Variants in FLNA observed in about 807,000 individuals in gnomAD.
FLNA encodes filamin A.
A neutral mutation model predicts 157.6 loss-of-function variants in FLNA; 7 were observed. That is an observed-to-expected ratio of 0.04 (90% confidence interval 0.03 to 0.08). The LOEUF (loss-of-function observed/expected upper bound fraction) is 0.08. Ranked by LOEUF, FLNA falls within the 10% of genes least tolerant of loss-of-function variation. The pLI, the probability that FLNA is intolerant of heterozygous loss-of-function variation, is 1.00. For synonymous variants in FLNA, 1,103 were observed against 1,060.8 expected, an observed-to-expected ratio of 1.04 and a Z score of -0.77; for missense variants, 1,750 against 2,398.4, an observed-to-expected ratio of 0.73 and a Z score of 5.65.
intron 1 of FLNA, among the ~76,000 whole-genome samples, chrX:154,373,635 C>A (rs6655285): frequency 0.043 from 4,893 of 112,715 alleles, 280 homozygotes; most frequent in African/African-American, 0.15. Context: ...GAGGTATAGC[C>A]CAAGCCCAGG....
At position 154,366,441 on chromosome X, in the gene FLNA, G is replaced by A. The variant is rs373366243; in HGVS notation, c.1095C>T (p.Ile365=). The part of the protein sequence containing the change: ...KVTVLFAGQH[I]AKSPFEVYVD... ...CGTACACCTCGAAGGGGCTCTTGGC[G>A]ATGTGCTGGCCAGCAAAGAGCACAG... Residue 365 remains isoleucine, a synonymous_variant, in exon 8 of 48, where the codon ATC becomes ATT. Coordinates refer to ENST00000369850, the MANE Select transcript of FLNA (RefSeq NM_001110556.2). 68 of 1,210,135 alleles carry A rather than the reference G, an allele frequency of 5.6e-5. No individual in the cohort carries two copies. The South Asian group carries it at 6.5e-4, about 12-fold the overall frequency.
rs1557178341 is a variant in FLNA, at chrX:154,362,695, G to A, written c.2370C>T (p.Thr790=). 9 of 1,211,064 alleles carry A rather than the reference G, an allele frequency of 7.4e-6. No individual in the cohort carries two copies. Among genetic ancestry groups the A allele is most frequent in the Non-Finnish European group, 1.0e-5 (9 of 895,328 alleles). ...AKTGLKAHEP[T]YFTVDCAEAG... is the part of the protein sequence containing the mutation. ...CCTCGGCGCAGTCCACAGTGAAGTAGGTGGGCTCGTGGGCCTTGAGCCCTG... is the reference window on the plus strand; with the variant it reads ...CCTCGGCGCAGTCCACAGTGAAGTAAGTGGGCTCGTGGGCCTTGAGCCCTG... The change falls in exon 16 of 48, where the codon ACC becomes ACT. Residue 790 remains threonine, a synonymous_variant. Transcript: ENST00000369850.
chrX:154,364,413 G>C, intron 13 of FLNA, 41 bp from the exon 14 acceptor site: 1 of 1,188,670 alleles, frequency 8.4e-7, no homozygotes, highest in Non-Finnish European at 1.1e-6. Flanking sequence ...CCAGGTCCAG[G>C]CTGCCAGAGC....
intron 30 of FLNA, 152 bp from the exon 31 acceptor site, chrX:154,355,224 G>A: frequency 1.7e-6 from 1 of 592,677 alleles, no homozygotes; most frequent in Non-Finnish European, 2.6e-6. Context: ...GCCCCTCCAA[G>A]CTGGGATGGC....
chrX:154,352,344 A>G lies in FLNA; in HGVS notation c.6606T>C (p.Phe2202=), dbSNP rs781801702. ...EGENHTYCIR[F]VPAEMGTHTV... is the part of the protein sequence containing the mutation. ...TGTGTGTGCCCATCTCAGCGGGAAC[A>G]AAGCGGATGCAGTAGGTGTGGTTCT... Residue 2202 remains phenylalanine (F), a synonymous_variant, in exon 41 of 48, where the codon TTT becomes TTC. Coordinates refer to ENST00000369850, the MANE Select transcript of FLNA (RefSeq NM_001110556.2). 2.5e-6 allele frequency: 3 copies of G among 1,211,819 alleles called. No homozygotes were observed. The East Asian group carries it at 8.9e-5, about 36-fold the overall frequency.
In FLNA at chrX:154,362,510, C is replaced by G. The variant is rs782555729; in HGVS notation, c.2473G>C (p.Asp825His). 1 of 1,211,372 alleles carries G rather than the reference C, an allele frequency of 8.3e-7. No individual in the cohort carries two copies. The highest frequency in any genetic ancestry group is 2.3e-4 in the Middle Eastern group (1 of 4,350). Residue 825 changes from aspartate to histidine, a missense_variant, in exon 17 of 48, where the codon GAC (aspartate) becomes CAC (histidine). By Grantham distance (81) the Asp-to-His change is moderately conservative. Transcript: ENST00000369850. The part of the protein sequence containing the change: ...VGPAEADIDF[D>H]IIRNDNDTFT... ...GTGTCATTGTCATTGCGGATGATGT[C>G]GAAGTCGATGTCAGCTTCGGCGGGG...
intron 1 of FLNA, among the ~76,000 whole-genome samples, chrX:154,374,119 A>C (rs782528512): frequency 8.9e-6 from 1 of 112,424 alleles, no homozygotes; most frequent in South Asian, 3.7e-4. Flanking sequence ...CTGGCTGAGA[A>C]GTGTCCTTCC....
At chrX:154,360,768 A>T (rs1267206430) in intron 21 of FLNA, among the ~76,000 whole-genome samples, 181 bp from the exon 22 acceptor site, 1 of 111,828 alleles carries the variant, frequency 8.9e-6, no homozygotes, top group African/African-American at 3.2e-5. Context: ...AAAGGAGGGC[A>T]GGGCGCGGTC....
Position 154,367,423 on chromosome X carries a change from G to A in FLNA, c.842C>T (p.Pro281Leu), listed in dbSNP as rs1041066623. Residue 281 changes from proline to leucine, a missense_variant, in exon 5 of 48, where the codon CCG becomes CTG. This residue lies in a region of FLNA where 71 missense variants were observed against 239.5 expected (regional missense o/e 0.30). Transcript: ENST00000369850. ...PGAPLRPKLNPKKARAYGPGI... is the reference protein window; with the variant it reads ...PGAPLRPKLNLKKARAYGPGI... ...TGGCCCGTAGGCACGGGCTTTCTTC[G>A]GGTTCAGTTTGGGCCGCAAGGGAGC... 8.3e-7 allele frequency: 1 copy of A among 1,211,513 alleles called. No individual in the cohort carries two copies. The highest frequency in any genetic ancestry group is 3.0e-5 in the East Asian group (1 of 33,847).
chrX:154,350,579 T>C (rs2067611443), intron 44 of FLNA: 1 of 382,980 alleles, frequency 2.6e-6, no homozygotes, highest in African/African-American at 2.5e-5. Flanking sequence ...TGAAGCCCAC[T>C]GGGCTCCTCC....
chrX:154,364,987 C>T, intron 11 of FLNA, 30 bp from the exon 12 acceptor site: 2 of 1,210,745 alleles, frequency 1.7e-6, no homozygotes, highest in Non-Finnish European at 2.2e-6. Context: ...ACAGGGAACA[C>T]CGAGGATCAC....
At position 154,365,476 on chromosome X, in the gene FLNA, C is replaced by T. The variant is rs781919163; in HGVS notation, c.1440G>A (p.Pro480=). Residue 480 remains proline, a synonymous_variant, in exon 10 of 48, where the codon CCG becomes CCA. Transcript: ENST00000369850. ...CCCGGCCAACCGCCCGGCAGGCACT[C>T]GGGTTACAGGCTGCAGGCAGAGGGG... The part of the protein sequence containing the change: ...YTVTVGQACN[P]SACRAVGRGL... The T allele has an allele frequency of 2.1e-5, 26 of 1,210,045 alleles. 1 individual carries two copies. The South Asian group carries it at 3.5e-4, about 16-fold the overall frequency.
In FLNA at chrX:154,358,537, G is replaced by A. The variant is rs200857989; in HGVS notation, c.4506C>T (p.Asn1502=). 228 of 1,208,081 alleles carry A rather than the reference G, an allele frequency of 1.9e-4. No homozygotes were observed. Among genetic ancestry groups the A allele is most frequent in the East Asian group, 1.7e-3 (56 of 33,765 alleles). Residue 1502 remains asparagine, a synonymous_variant, in exon 27 of 48, where the codon AAC becomes AAT. Transcript: ENST00000369850. ...GLVEPVDVVD[N]ADGTQTVNYV... ...AATTGACGGTCTGGGTGCCATCAGC[G>A]TTGTCTACCACGTCCACTGGCTCCA... is the stretch of plus-strand genomic sequence containing the variant.
At position 154,362,406 on chromosome X, in the gene FLNA, C is replaced by T. The variant is rs370481509; in HGVS notation, c.2565+12G>A. The T allele has an allele frequency of 5.0e-5, 61 of 1,209,317 alleles. No homozygotes were observed. Among genetic ancestry groups the T allele is most frequent in the Non-Finnish European group, 6.4e-5 (57 of 894,403 alleles). ...GCAATGACATCTTAGCGGCCAGGAG[C>T]GCAGCACCCACCTGGTCAGCAAAGA... is the stretch of plus-strand genomic sequence containing the variant. On this transcript the variant is annotated intron_variant, in intron 17 of 47. Transcript: ENST00000369850.
chrX:154,374,405 C>T (rs2067828041), intron 1 of FLNA, 101 bp downstream of exon 1: 2 of 112,817 alleles, frequency 1.8e-5, no homozygotes, highest in South Asian at 7.2e-4. Flanking sequence ...GAGCTGGCGC[C>T]TGCGTTTTCC....
At chrX:154,359,451 ACCAG>A in intron 24 of FLNA, 29 bp downstream of exon 24, 7 of 1,211,077 alleles carry the variant, frequency 5.8e-6, no homozygotes, top group Non-Finnish European at 7.8e-6. Context: ...TCCCAGGCCC[ACCAG>A]CCACACGGGC....
chrX:154,362,769 C>T lies in FLNA; in HGVS notation c.2296G>A (p.Gly766Ser). The T allele has an allele frequency of 8.3e-7, 1 of 1,200,548 alleles. No individual in the cohort carries two copies. The highest frequency in any genetic ancestry group is 1.8e-5 in the South Asian group (1 of 55,640). ...NSPFRVNVGA[G>S]SHPNKVKVYG... ...ACTTTGACCTTGTTGGGGTGGCTGCCAGCTCCCACATTCACCTGCAGGGCA... is the reference window on the plus strand; with the variant it reads ...ACTTTGACCTTGTTGGGGTGGCTGCTAGCTCCCACATTCACCTGCAGGGCA... Residue 766 changes from glycine (G) to serine (S), a missense_variant, in exon 16 of 48, where the codon GGC becomes AGC. Physicochemically the swap from Gly to Ser is moderately conservative, Grantham distance 56. Transcript: ENST00000369850.
rs782513930 is a variant in FLNA at position 154,361,563 on chromosome X, G to C, written c.2952C>G (p.Asp984Glu). Residue 984 changes from aspartate to glutamate, a missense_variant, in exon 21 of 48, where the codon GAC becomes GAG. By Grantham distance (45) the Asp-to-Glu change is conservative. Around this residue, in one of 5 missense-constraint regions of FLNA, gnomAD observed 648 missense variants for 805.8 expected, o/e 0.80. Coordinates refer to ENST00000369850, the MANE Select transcript of FLNA (RefSeq NM_001110556.2). ...CTGTGAACTCCTGGTCTTTGCCAAC[G>C]TCCACCTCTGTGGAAACGATGAAAG... The part of the protein sequence containing the change: ...IKVSGLGEKV[D>E]VGKDQEFTVK... 2.5e-6 allele frequency: 3 copies of C among 1,209,675 alleles called. No individual in the cohort carries two copies. In the African/African-American group the frequency reaches 5.3e-5, roughly 21 times the overall value.
Position 154,349,355 on chromosome X carries a change from T to A in FLNA, c.7756+7A>T, listed in dbSNP as rs782594128. On this transcript the variant is annotated splice_region_variant and intron_variant, in intron 47 of 47. Coordinates refer to ENST00000369850, the MANE Select transcript of FLNA (RefSeq NM_001110556.2). ...GGGAAGGTGGGCCGGGGGCCCAGGTTGCCCACCTGCTTTGCTGCAGTCTAC... is the reference window on the plus strand; with the variant it reads ...GGGAAGGTGGGCCGGGGGCCCAGGTAGCCCACCTGCTTTGCTGCAGTCTAC... 1.7e-6 allele frequency: 2 copies of A among 1,208,019 alleles called. No individual in the cohort carries two copies. The highest frequency in any genetic ancestry group is 2.2e-6 in the Non-Finnish European group (2 of 892,110).
Sources: gnomAD v4.1 joint callset for allele counts (sites outside exome capture counted in the v4.1 genomes callset) on GRCh38, gnomAD v4.1.1 for gene constraint, gnomAD v4.1.1 regional missense constraint, MANE v1.5 for transcripts, NCBI Gene and HGNC (gene_info 2026-07-23, HGNC 2026-07-21) for gene names.